Variants in NFASC observed in about 807,000 individuals in gnomAD.
The protein encoded by NFASC is neurofascin homolog.
A neutral mutation model predicts 147.5 loss-of-function variants in NFASC; 43 were observed. The observed-to-expected ratio is 0.29, with a 90% CI of 0.23 to 0.38. The LOEUF (loss-of-function observed/expected upper bound fraction) is 0.38, where lower values mean the gene tolerates loss of function less well. NFASC is among the 10% of genes least tolerant of loss of function. NFASC has a pLI of 1.00. For missense variants in NFASC, 1,320 were observed against 1,689.0 expected (o/e 0.78, Z 3.83); for synonymous variants, 622 against 665.5 (o/e 0.93, Z 1.01).
At chr1:205,007,437 G>C (rs1425845638) in intron 27 of NFASC, among the ~76,000 whole-genome samples, 1 of 148,332 alleles carries the variant, frequency 6.7e-6, no homozygotes, top group East Asian at 2.0e-4. Flanking sequence ...GGGAGAGTAG[G>C]GGAGGGGAGT....
chr1:204,955,614 G>A (rs1045951674), intron 7 of NFASC, among the ~76,000 whole-genome samples: 7 of 152,008 alleles, frequency 4.6e-5, no homozygotes, highest in South Asian at 2.1e-4. Context: ...CATCCTCTCC[G>A]GACCTCAGTT....
chr1:205,000,005 A>G (rs1052946315), intron 25 of NFASC: 3 of 152,198 alleles, frequency 2.0e-5, no homozygotes, highest in Non-Finnish European at 4.4e-5. Context: ...TTGCAAAATG[A>G]TTACGTTTGA....
intron 25 of NFASC, chr1:204,999,353 A>T (rs1011706131): frequency 1.3e-5 from 2 of 152,118 alleles, no homozygotes; most frequent in Non-Finnish European, 1.5e-5. Context: ...GGCCTTTTCT[A>T]AAAGAACCCC....
Position 204,979,569 on chromosome 1 carries a change from C to G in NFASC, c.2176+10C>G. On this transcript the variant is annotated intron_variant, in intron 19 of 29. Transcript: ENST00000339876. The surrounding 1 kb of genome is among the most constrained non-coding windows in gnomAD (Gnocchi z 6.0). Reference sequence around the variant, plus strand: ...CGAACCAGTGGAGCACGTGAGTACCCGAGGGCTGCCAGAGAAGGCTCCGGA... The same window carrying G: ...CGAACCAGTGGAGCACGTGAGTACCGGAGGGCTGCCAGAGAAGGCTCCGGA... 6.2e-7 allele frequency: 1 copy of G among 1,612,976 alleles called. No individual in the cohort carries two copies. Among genetic ancestry groups the G allele is most frequent in the Non-Finnish European group, 8.5e-7 (1 of 1,179,514 alleles).
In NFASC at chr1:204,969,312, C is replaced by T. The variant is rs2278799; in HGVS notation, c.1003+330C>T. ...TTTTTTTCCTTTCGTTTTGCATTCC[C>T]GTTTGTGATGTGTCACGTGAGCCCG... is the stretch of plus-strand genomic sequence containing the variant. On this transcript the variant is annotated intron_variant, in intron 10 of 29. Transcript: ENST00000339876. Among the ~76,000 whole-genome samples the T allele has an allele frequency of 8.8e-3, 1,346 of 152,248 alleles. 38 individuals are homozygous for T. Among genetic ancestry groups the T allele is most frequent in the East Asian group, 0.064 (332 of 5,184 alleles).
At chr1:204,841,152 T>C (rs1349657820) in intron 1 of NFASC, among the ~76,000 whole-genome samples, 1 of 152,224 alleles carries the variant, frequency 6.6e-6, no homozygotes, top group East Asian at 1.9e-4. Context: ...ACTGGACACC[T>C]ACTCTGTATC....
At chr1:204,944,190 T>C in intron 2 of NFASC, 36 bp from the exon 3 acceptor site, 1 of 1,536,718 alleles carries the variant, frequency 6.5e-7, no homozygotes, top group Admixed American at 2.0e-5. Context: ...CACAAGTTCA[T>C]GAAAAACTCA....
chr1:204,946,692 C>A (rs773913238), intron 3 of NFASC: 6 of 518,150 alleles, frequency 1.2e-5, no homozygotes, highest in Non-Finnish European at 2.3e-5. Flanking sequence ...ACGGCGAGGG[C>A]ATTGGCATTT....
At chr1:204,867,765 A>G (rs2077234126) in intron 1 of NFASC, among the ~76,000 whole-genome samples, 1 of 152,184 alleles carries the variant, frequency 6.6e-6, no homozygotes, top group Admixed American at 6.5e-5. Context: ...GCATAGGCAC[A>G]GCCACAGGCA....
chr1:204,894,321 C>T (rs1285999315), intron 1 of NFASC, among the ~76,000 whole-genome samples: 3 of 152,148 alleles, frequency 2.0e-5, no homozygotes, highest in Non-Finnish European at 4.4e-5. Flanking sequence ...TGTCTTATCC[C>T]TTGGAGCTGG....
chr1:204,975,450 T>C lies in NFASC; in HGVS notation c.1706+32T>C, dbSNP rs1419139765. ...CTTCCCCCTTCCCCCTTCCTAGTGC[T>C]AGTTTGAGGCGCATTTTCTTTTCCC... On this transcript the variant is annotated intron_variant, in intron 15 of 29. Transcript: ENST00000339876. This position sits in a 1 kb window ranked among gnomAD's most constrained non-coding sequence, Gnocchi z 4.0. The C allele has an allele frequency of 6.3e-7, 1 of 1,590,946 alleles. No homozygotes were observed. Among genetic ancestry groups the C allele is most frequent in the South Asian group, 1.1e-5 (1 of 89,990 alleles).
At chr1:204,992,206 T>C (rs1053554596) in intron 24 of NFASC, among the ~76,000 whole-genome samples, 7 of 151,954 alleles carry the variant, frequency 4.6e-5, no homozygotes, top group African/African-American at 1.7e-4. Flanking sequence ...AGATGGGAAA[T>C]GAGAACAGGA....
chr1:204,962,312 C>A (rs1318940265), intron 8 of NFASC, among the ~76,000 whole-genome samples: 1 of 152,222 alleles, frequency 6.6e-6, no homozygotes, highest in Non-Finnish European at 1.5e-5. Flanking sequence ...TGCCAGGAGG[C>A]AGTGTGGGGG....
In NFASC at chr1:205,017,401, CTG is replaced by C. The variant is rs766906329; in HGVS notation, c.*866_*867del. On this transcript the variant is annotated 3_prime_UTR_variant, in exon 30 of 30. Coordinates refer to ENST00000339876, the MANE Select transcript of NFASC (RefSeq NM_001005388.3). Reference sequence around the variant, plus strand: ...ATAGAAAGGACTTCAACGCCAGTGACTGTGTACCTCCAGCAGAAGAAAATCAG... The same window carrying C: ...ATAGAAAGGACTTCAACGCCAGTGACTGTACCTCCAGCAGAAGAAAATCAG... The C allele has an allele frequency of 1.3e-5, 2 of 152,894 alleles. No homozygotes were observed. Among genetic ancestry groups the C allele is most frequent in the African/African-American group, 2.4e-5 (1 of 41,444 alleles). 9.5% of individuals were successfully genotyped at this position (152,894 alleles called of 1,614,324 possible).
intron 21 of NFASC, chr1:204,984,182 C>A: frequency 7.1e-7 from 1 of 1,400,734 alleles, no homozygotes; most frequent in Non-Finnish European, 1.0e-6. Context: ...CTACCCAGCT[C>A]ACTAACCAGG....
chr1:204,925,683 C>T (rs970465622), intron 2 of NFASC, among the ~76,000 whole-genome samples: 2 of 152,224 alleles, frequency 1.3e-5, no homozygotes, highest in African/African-American at 4.8e-5. Flanking sequence ...GCCCCTCTTT[C>T]TTTCCCTGCT....
intron 1 of NFASC, among the ~76,000 whole-genome samples, chr1:204,861,078 CTTTTTTTTTTT>C (rs1162020795): frequency 3.0e-4 from 21 of 68,948 alleles, no homozygotes; most frequent in Admixed American, 8.9e-4. Flanking sequence ...ACTTGCTTTC[CTTTTTTTTTTT>C]TTTTTTTTTT....
intron 1 of NFASC, among the ~76,000 whole-genome samples, chr1:204,882,033 C>T (rs755582019): frequency 6.6e-6 from 1 of 152,108 alleles, no homozygotes; most frequent in Non-Finnish European, 1.5e-5. Context: ...CCAACCCCCA[C>T]CCTGCTTCTT....
chr1:204,977,565 A>T, intron 16 of NFASC, 116 bp from the exon 17 acceptor site: 1 of 868,264 alleles, frequency 1.2e-6, no homozygotes, highest in Non-Finnish European at 1.8e-6. Context: ...AGCCCTGCCT[A>T]GAACACCTCA....
Sources: gnomAD v4.1 joint callset for allele counts (sites outside exome capture counted in the v4.1 genomes callset) on GRCh38, gnomAD v4.1.1 for gene constraint, Gnocchi (gnomAD v3.1) non-coding constraint, MANE v1.5 for transcripts, NCBI Gene and HGNC (gene_info 2026-07-23, HGNC 2026-07-21) for gene names.